NRXN1: variants seen among roughly 807,000 people sequenced by gnomAD.
NRXN1 encodes neurexin 1.
Under a neutral mutation model 150.9 loss-of-function variants are expected in NRXN1, and 39 were observed. The observed-to-expected ratio is 0.26, with a 90% confidence interval of 0.20 to 0.34. The LOEUF is 0.34. NRXN1 is among the 10% of genes least tolerant of loss of function. The pLI, the probability that NRXN1 is intolerant of heterozygous loss-of-function variation, is 1.00. For synonymous variants in NRXN1, 924 were observed against 757.0 expected, an observed-to-expected ratio of 1.22 and a Z score of -3.62; for missense variants, 1,815 against 1,949.9, an observed-to-expected ratio of 0.93 and a Z score of 1.30.
chr2:50,951,482 T>C (rs1240565886), intron 2 of NRXN1, among the ~76,000 whole-genome samples: 3 of 152,192 alleles, frequency 2.0e-5, no homozygotes, highest in Non-Finnish European at 4.4e-5. Flanking sequence ...ACACCAAGTA[T>C]TTTTGGCACA....
intron 2 of NRXN1, among the ~76,000 whole-genome samples, chr2:51,003,332 A>G (rs957904522): frequency 1.3e-5 from 2 of 152,012 alleles, no homozygotes; most frequent in African/African-American, 4.8e-5. Flanking sequence ...AACGAACGTA[A>G]GGAATATACA....
At chr2:49,928,352 C>T (rs1214626593) in intron 22 of NRXN1, among the ~76,000 whole-genome samples, 1 of 151,832 alleles carries the variant, frequency 6.6e-6, no homozygotes, top group Non-Finnish European at 1.5e-5. Flanking sequence ...ATAAATTAAG[C>T]TTAAAGTAAT....
At chr2:50,829,379 C>G (rs1022062101) in intron 5 of NRXN1, 2 of 1,072,632 alleles carry the variant, frequency 1.9e-6, no homozygotes, top group Admixed American at 2.1e-5. Context: ...CCGCCCGCCT[C>G]GGGCTCCCAA....
chr2:50,171,764 A>G (rs1377238), intron 18 of NRXN1, among the ~76,000 whole-genome samples: 26,879 of 152,156 alleles, frequency 0.18, 2,835 homozygotes, highest in East Asian at 0.41. Flanking sequence ...AGTGCAATAC[A>G]AAGCCAGTTA....
At position 49,988,619 on chromosome 2, in the gene NRXN1, TAAAA is replaced by T. The variant is rs3046623; in HGVS notation, c.4129-44832_4129-44829del. ...TTTTGGTCTTGACACAGTTAACTAT[TAAAA>T]AAAAAAAAAAAAAAAAGCCCTGAAG... On this transcript the variant is annotated intron_variant, in intron 21 of 22. Coordinates refer to ENST00000401669, the MANE Select transcript of NRXN1 (RefSeq NM_001330078.2). Among the ~76,000 whole-genome samples the T allele has an allele frequency of 3.4e-3, 437 of 127,952 alleles. 3 individuals are homozygous for T. Among genetic ancestry groups the T allele is most frequent in the African/African-American group, 0.011 (350 of 32,552 alleles). The allele number at this position is 127,952 out of a possible 152,430, so 83.9% of individuals were successfully genotyped here.
chr2:50,026,903 C>T (rs1482137507), intron 21 of NRXN1, among the ~76,000 whole-genome samples: 13 of 62,276 alleles, frequency 2.1e-4, no homozygotes, highest in African/African-American at 5.0e-4. Flanking sequence ...TTTTTTGAGA[C>T]GGAGTCTCGT....
At chr2:50,169,558 C>T (rs753269203) in intron 18 of NRXN1, among the ~76,000 whole-genome samples, 122 of 151,648 alleles carry the variant, frequency 8.0e-4, no homozygotes, top group Non-Finnish European at 1.5e-3. Flanking sequence ...ACTAAAAATA[C>T]GAAAATTAGC....
chr2:50,111,450 C>A (rs980730820), intron 18 of NRXN1, among the ~76,000 whole-genome samples: 1 of 152,022 alleles, frequency 6.6e-6, no homozygotes, highest in Non-Finnish European at 1.5e-5. Context: ...GACCGCCTGG[C>A]CAACACGGTG....
intron 18 of NRXN1, among the ~76,000 whole-genome samples, chr2:50,223,334 G>C (rs1156757362): frequency 1.3e-5 from 2 of 151,892 alleles, no homozygotes; most frequent in Non-Finnish European, 2.9e-5. Context: ...TCAAATTCCA[G>C]AAACATCCCC....
intron 5 of NRXN1, among the ~76,000 whole-genome samples, chr2:50,915,183 TTA>T (rs1685044996): frequency 6.6e-6 from 1 of 151,624 alleles, no homozygotes; most frequent in Non-Finnish European, 1.5e-5. Context: ...TTCAAGATAA[TTA>T]TATGTTATTT....
chr2:50,957,232 G>T (rs1299357171), intron 2 of NRXN1, among the ~76,000 whole-genome samples: 1 of 152,028 alleles, frequency 6.6e-6, no homozygotes, highest in Non-Finnish European at 1.5e-5. Context: ...AGATAAACCT[G>T]GTTTCAAATT....
At chr2:50,395,404 G>C (rs944577863) in intron 17 of NRXN1, among the ~76,000 whole-genome samples, 1 of 151,250 alleles carries the variant, frequency 6.6e-6, no homozygotes. Context: ...ACAAGCAGAA[G>C]ACATTATAAA....
chr2:50,319,643 A>C (rs1362340125), intron 17 of NRXN1, among the ~76,000 whole-genome samples: 1 of 152,082 alleles, frequency 6.6e-6, no homozygotes, highest in Non-Finnish European at 1.5e-5. Context: ...TCATGGAAGC[A>C]CCTGTGTGGA....
At chr2:50,237,159 C>T (rs1372910836) in intron 17 of NRXN1, among the ~76,000 whole-genome samples, 189 bp from the exon 18 acceptor site, 1 of 152,034 alleles carries the variant, frequency 6.6e-6, no homozygotes, top group African/African-American at 2.4e-5. Context: ...GGAGAGGTAG[C>T]TCAGTTTTTA....
At chr2:50,469,459 T>G (rs1210690026) in intron 16 of NRXN1, among the ~76,000 whole-genome samples, 1 of 151,576 alleles carries the variant, frequency 6.6e-6, no homozygotes, top group Non-Finnish European at 1.5e-5. Context: ...AAGATATTAT[T>G]AGGTTATACC....
chr2:50,950,865 A>T (rs983608099), intron 2 of NRXN1, among the ~76,000 whole-genome samples: 7 of 152,238 alleles, frequency 4.6e-5, no homozygotes, highest in Non-Finnish European at 1.0e-4. Flanking sequence ...TACAGAAAAG[A>T]AAACAGAGTC....
At chr2:51,017,567 G>A (rs375139613) in intron 2 of NRXN1, among the ~76,000 whole-genome samples, 6 of 121,286 alleles carry the variant, frequency 4.9e-5, no homozygotes, top group Middle Eastern at 5.7e-3. Context: ...TTTTTGTCCC[G>A]CCTGGTCTGG....
At chr2:50,968,037 G>A (rs1334141792) in intron 2 of NRXN1, among the ~76,000 whole-genome samples, 4 of 151,934 alleles carry the variant, frequency 2.6e-5, no homozygotes, top group African/African-American at 9.7e-5. Context: ...GAAAGGACTA[G>A]ATTAGAAATT....
intron 5 of NRXN1, among the ~76,000 whole-genome samples, chr2:50,756,390 T>C (rs1378689243): frequency 6.6e-6 from 1 of 151,664 alleles, no homozygotes; most frequent in Non-Finnish European, 1.5e-5. Context: ...TTAAACAGCA[T>C]TTGTTTCCAA....
Sources: allele counts gnomAD v4.1 joint callset (sites outside exome capture counted in the v4.1 genomes callset), GRCh38; gene constraint gnomAD v4.1.1; transcripts MANE v1.5; gene names NCBI Gene and HGNC (gene_info 2026-07-23, HGNC 2026-07-21).